PCDHA8: variants seen among roughly 807,000 people sequenced by gnomAD.
PCDHA8 encodes protocadherin alpha 8.
Under a neutral mutation model 61.8 loss-of-function variants are expected in PCDHA8, and 53 were observed. The ratio of observed to expected loss-of-function variants is 0.86; its 90% confidence interval spans 0.69 to 1.08. The LOEUF is 1.08. PCDHA8 is among the 50% of genes least tolerant of loss of function. PCDHA8 has a pLI of 0.00. For missense variants in PCDHA8, 1,293 were observed against 1,245.0 expected, an observed-to-expected ratio of 1.04 and a Z score of -0.58; for synonymous variants, 618 against 556.6, an observed-to-expected ratio of 1.11 and a Z score of -1.55.
chr5:140,853,458 T>C (rs17119248), intron 1 of PCDHA8: 56,285 of 974,400 alleles, frequency 0.058, 6,090 homozygotes, highest in Middle Eastern at 0.078. Context: ...GGTCTCCTTA[T>C]ATGCATCTGT....
intron 1 of PCDHA8, among the ~76,000 whole-genome samples, chr5:140,957,650 C>T (rs1239447979): frequency 1.3e-5 from 2 of 151,848 alleles, no homozygotes; most frequent in Non-Finnish European, 2.9e-5. Flanking sequence ...CTTAAATATT[C>T]AATCATGGAG....
intron 1 of PCDHA8, chr5:140,876,731 C>T (rs782483829): frequency 1.7e-5 from 27 of 1,614,124 alleles, no homozygotes; most frequent in Non-Finnish European, 1.9e-5. Context: ...AGCGTGTCGG[C>T]CTATGAGCTG....
intron 1 of PCDHA8, among the ~76,000 whole-genome samples, chr5:140,855,480 A>G (rs567213059): frequency 6.7e-6 from 1 of 149,976 alleles, no homozygotes; most frequent in South Asian, 2.1e-4. Context: ...GATGCTTGAC[A>G]TTAGTGTCTA....
rs1476497862 is a variant in PCDHA8 at position 140,947,129 on chromosome 5, T to TAGTAAAATG, written c.2395-31819_2395-31811dup. Among the ~76,000 whole-genome samples the TAGTAAAATG allele has an allele frequency of 1.0e-3, 152 of 151,378 alleles. 1 individual carries two copies. Among genetic ancestry groups the TAGTAAAATG allele is most frequent in the African/African-American group, 3.5e-3 (145 of 41,346 alleles). On this transcript the variant is annotated intron_variant, in intron 1 of 3. Transcript: ENST00000531613. The stretch of plus-strand genomic sequence containing the variant: ...TACGTGTCAATTAAAATAATAAAAA[T>TAGTAAAATG]AGTAAAATGTATAGTTACTTCCACG...
chr5:140,928,081 C>G lies in PCDHA8; in HGVS notation c.2395-50868C>G, dbSNP rs782268064. On this transcript the variant is annotated intron_variant, in intron 1 of 3. Coordinates refer to ENST00000531613, the MANE Select transcript of PCDHA8 (RefSeq NM_018911.3). ...GGCTTCCTTTGACAACTACTACAGC[C>G]TGCTGATTGATGGGCCCCTGGACCG... is the stretch of plus-strand genomic sequence containing the variant. 6.2e-6 allele frequency: 10 copies of G among 1,614,090 alleles called. 1 individual carries two copies. In the South Asian group the frequency reaches 6.6e-5, roughly 11 times the overall value.
At chr5:140,870,070 G>T (rs1554163779) in intron 1 of PCDHA8, 1 of 1,613,880 alleles carries the variant, frequency 6.2e-7, no homozygotes, top group Admixed American at 1.7e-5. Flanking sequence ...ACAGGCTACA[G>T]ATAAGGGGAC....
Position 141,010,456 on chromosome 5 carries a change from TATC to T in PCDHA8, c.*521_*523del. The T allele has an allele frequency of 1.1e-6, 1 of 877,088 alleles. No individual in the cohort carries two copies. The highest frequency in any genetic ancestry group is 3.0e-5 in the Admixed American group (1 of 33,582). The allele number at this position is 877,088 out of a possible 1,614,324, so 54.3% of individuals were successfully genotyped here. On this transcript the variant is annotated 3_prime_UTR_variant, in exon 4 of 4. Transcript: ENST00000531613. ...ACAAAGACAAATAAACAGCGGAAGT[TATC>T]AGTATGGAGGGGAAGTGTAAACTTA... is the stretch of plus-strand genomic sequence containing the variant.
rs1044322759 is a variant in PCDHA8 at position 140,877,540 on chromosome 5, G to C, written c.2394+33825G>C. 35 of 1,613,652 alleles carry C rather than the reference G, an allele frequency of 2.2e-5. No individual in the cohort carries two copies. Among genetic ancestry groups the C allele is most frequent in the Non-Finnish European group, 2.7e-5 (32 of 1,179,908 alleles). On this transcript the variant is annotated intron_variant, in intron 1 of 3. Coordinates refer to ENST00000531613, the MANE Select transcript of PCDHA8 (RefSeq NM_018911.3). ...GGCCTCAGTGGGCGCTGTGGATCCCGAAGCGGCTCTGGTGGATATTAACGT... is the reference window on the plus strand; with the variant it reads ...GGCCTCAGTGGGCGCTGTGGATCCCCAAGCGGCTCTGGTGGATATTAACGT...
chr5:140,884,230 C>T, intron 1 of PCDHA8: 8 of 1,613,384 alleles, frequency 5.0e-6, no homozygotes, highest in Non-Finnish European at 6.8e-6. Flanking sequence ...TGAAGGACCA[C>T]GGTGAGCCCG....
intron 1 of PCDHA8, among the ~76,000 whole-genome samples, chr5:140,909,417 G>A (rs1016868783): frequency 2.0e-5 from 3 of 152,156 alleles, no homozygotes; most frequent in Non-Finnish European, 1.5e-5. Flanking sequence ...TTACCATTTG[G>A]TTAAACTTAT....
chr5:140,942,145 CAT>C (rs2093239780), intron 1 of PCDHA8, among the ~76,000 whole-genome samples: 1 of 152,176 alleles, frequency 6.6e-6, no homozygotes, highest in African/African-American at 2.4e-5. Context: ...CTTTACTTGA[CAT>C]AAAACAGCTT....
chr5:140,890,056 C>T (rs2062472126), intron 1 of PCDHA8, among the ~76,000 whole-genome samples: 1 of 152,124 alleles, frequency 6.6e-6, no homozygotes, highest in African/African-American at 2.4e-5. Flanking sequence ...GGAGCTGGCT[C>T]TTTTACTGGC....
At chr5:140,872,878 C>G (rs1582101357) in intron 1 of PCDHA8, among the ~76,000 whole-genome samples, 1 of 152,160 alleles carries the variant, frequency 6.6e-6, no homozygotes, top group East Asian at 1.9e-4. Flanking sequence ...TTATCAGTTT[C>G]ATTCATCTCA....
chr5:140,859,571 G>C (rs2045916086), intron 1 of PCDHA8: 1 of 174,150 alleles, frequency 5.7e-6, no homozygotes, highest in Non-Finnish European at 1.2e-5. Context: ...CCATGAATTT[G>C]TCATCTTGCC....
chr5:140,930,453 C>G (rs1195640207), intron 1 of PCDHA8: 6 of 152,300 alleles, frequency 3.9e-5, no homozygotes, highest in African/African-American at 1.5e-4. Flanking sequence ...AAACTCCTAG[C>G]CTCAAGTGAT....
intron 1 of PCDHA8, among the ~76,000 whole-genome samples, chr5:140,901,935 GTA>G (rs200320249): frequency 0.011 from 1,607 of 151,762 alleles, 16 homozygotes; most frequent in African/African-American, 0.028. Context: ...TAATTCCTAG[GTA>G]TATTTAGTTT....
intron 1 of PCDHA8, among the ~76,000 whole-genome samples, chr5:140,903,726 A>G (rs2070539731): frequency 6.6e-6 from 1 of 152,248 alleles, no homozygotes; most frequent in South Asian, 2.1e-4. Context: ...TCTCCCTATT[A>G]TCAATTATTA....
chr5:140,872,950 G>A lies in PCDHA8; in HGVS notation c.2394+29235G>A, dbSNP rs185090422. ...AATGTTTTTGAAATTTTCTTTCCAC[G>A]TAGTATCATCCCATCTGAAGATTTG... On this transcript the variant is annotated intron_variant, in intron 1 of 3. Transcript: ENST00000531613. Among the ~76,000 whole-genome samples, 445 of 152,104 alleles carry A rather than the reference G, an allele frequency of 2.9e-3. 2 individuals carry two copies. Among genetic ancestry groups the A allele is most frequent in the Middle Eastern group, 0.014 (4 of 294 alleles).
At chr5:140,875,464 T>A (rs782432702) in intron 1 of PCDHA8, 1 of 1,599,740 alleles carries the variant, frequency 6.3e-7, no homozygotes, top group Admixed American at 1.7e-5. Flanking sequence ...GAGGCCCTCA[T>A]TTTCTGCAAT....
Sources: gnomAD v4.1 joint callset for allele counts (sites outside exome capture counted in the v4.1 genomes callset) on GRCh38, gnomAD v4.1.1 for gene constraint, MANE v1.5 for transcripts, NCBI Gene and HGNC (gene_info 2026-07-23, HGNC 2026-07-21) for gene names.